ZFYVE9: variants seen among roughly 807,000 people sequenced by gnomAD.
ZFYVE9 encodes zinc finger FYVE-type containing 9, also known as zinc finger FYVE domain-containing protein 9.
Under a neutral mutation model 126.7 loss-of-function variants are expected in ZFYVE9, and 43 were observed. The ratio of observed to expected loss-of-function variants is 0.34; its 90% confidence interval spans 0.27 to 0.44. ZFYVE9 has a LOEUF of 0.44. Ranked by LOEUF, ZFYVE9 falls within the 20% of genes least tolerant of loss-of-function variation. The pLI is 1.00. For missense variants in ZFYVE9, 1,476 were observed against 1,697.0 expected, an observed-to-expected ratio of 0.87 and a Z score of 2.29; for synonymous variants, 521 against 597.4, an observed-to-expected ratio of 0.87 and a Z score of 1.87.
intron 7 of ZFYVE9, among the ~76,000 whole-genome samples, chr1:52,271,240 A>T (rs1645689070): frequency 6.6e-6 from 1 of 152,204 alleles, no homozygotes; most frequent in South Asian, 2.1e-4. Flanking sequence ...TGCTCATTAT[A>T]AGACAGGCTA....
intron 4 of ZFYVE9, among the ~76,000 whole-genome samples, chr1:52,250,308 G>C (rs551605712): frequency 2.4e-4 from 36 of 152,124 alleles, no homozygotes; most frequent in South Asian, 4.2e-4. Flanking sequence ...GTCTTTTGTA[G>C]TTTTCACTGT....
At chr1:52,279,833 G>T (rs1645784609) in intron 9 of ZFYVE9, among the ~76,000 whole-genome samples, 2 of 152,036 alleles carry the variant, frequency 1.3e-5, no homozygotes, top group Non-Finnish European at 2.9e-5. Context: ...CAATTTTAAA[G>T]GACAGAACCT....
At chr1:52,185,614 T>C (rs1644757540) in intron 1 of ZFYVE9, among the ~76,000 whole-genome samples, 1 of 152,048 alleles carries the variant, frequency 6.6e-6, no homozygotes, top group Admixed American at 6.6e-5. Flanking sequence ...AAAAATAAAA[T>C]TGGTTAGATG....
At chr1:52,147,655 A>G (rs1043351890) in intron 1 of ZFYVE9, among the ~76,000 whole-genome samples, 2 of 152,220 alleles carry the variant, frequency 1.3e-5, no homozygotes, top group African/African-American at 4.8e-5. Context: ...GGCTACTATA[A>G]ATAATGTTGT....
intron 10 of ZFYVE9, among the ~76,000 whole-genome samples, chr1:52,286,455 T>C (rs1468516910): frequency 6.6e-6 from 1 of 152,220 alleles, no homozygotes; most frequent in Non-Finnish European, 1.5e-5. Flanking sequence ...ACACACACTT[T>C]TTTGTCATAC....
At chr1:52,226,493 G>A (rs1645171728) in intron 2 of ZFYVE9, among the ~76,000 whole-genome samples, 1 of 152,132 alleles carries the variant, frequency 6.6e-6, no homozygotes, top group Non-Finnish European at 1.5e-5. Context: ...CCGAGATCAT[G>A]CCACTGCACT....
At chr1:52,298,692 T>C (rs1456198992) in intron 12 of ZFYVE9, among the ~76,000 whole-genome samples, 1 of 152,114 alleles carries the variant, frequency 6.6e-6, no homozygotes, top group African/African-American at 2.4e-5. Context: ...AAGAATATCA[T>C]TGGCATTTTG....
chr1:52,238,820 C>T lies in ZFYVE9; in HGVS notation c.1403C>T (p.Thr468Ile), dbSNP rs770244344. The change falls in exon 4 of 19, where the codon ACA becomes ATA. Residue 468 changes from threonine to isoleucine, a missense_variant. Thr to Ile is a moderately conservative substitution (Grantham distance 89, BLOSUM62 -1). Coordinates refer to ENST00000287727, the MANE Select transcript of ZFYVE9 (RefSeq NM_004799.4). Reference sequence around the variant, plus strand: ...TGTGATTTCTCCACTGTTATAGACACACCAGCAGCAAATTATCTATCTAAT... The same window carrying T: ...TGTGATTTCTCCACTGTTATAGACATACCAGCAGCAAATTATCTATCTAAT... ...EECDFSTVID[T>I]PAANYLSNGC... is the part of the protein sequence containing the mutation. 3.7e-6 allele frequency: 6 copies of T among 1,614,094 alleles called. No homozygotes were observed. The East Asian group carries it at 6.7e-5, about 18-fold the overall frequency.
At chr1:52,176,504 C>T (rs1443064874) in intron 1 of ZFYVE9, among the ~76,000 whole-genome samples, 2 of 152,196 alleles carry the variant, frequency 1.3e-5, no homozygotes, top group Non-Finnish European at 2.9e-5. Flanking sequence ...GCTGGGAGAA[C>T]CACTGCTCTC....
At chr1:52,193,794 A>G (rs981398375) in intron 1 of ZFYVE9, among the ~76,000 whole-genome samples, 1 of 151,668 alleles carries the variant, frequency 6.6e-6, no homozygotes. Flanking sequence ...CTTCAAACAC[A>G]CACGCACGCG....
At chr1:52,340,904 C>CAAAAAA (rs10608842) in intron 17 of ZFYVE9, among the ~76,000 whole-genome samples, 4 of 100,678 alleles carry the variant, frequency 4.0e-5, no homozygotes, top group Non-Finnish European at 8.1e-5. Context: ...GACTCCGTCT[C>CAAAAAA]AAAAAAAAAA....
intron 4 of ZFYVE9, among the ~76,000 whole-genome samples, chr1:52,261,431 AC>A (rs1645579213): frequency 6.6e-6 from 1 of 151,564 alleles, no homozygotes; most frequent in African/African-American, 2.4e-5. Context: ...TTAGGTTATA[AC>A]CTGAAACCCT....
At chr1:52,222,787 C>T (rs1304311702) in intron 2 of ZFYVE9, among the ~76,000 whole-genome samples, 3 of 152,172 alleles carry the variant, frequency 2.0e-5, no homozygotes, top group Non-Finnish European at 2.9e-5. Context: ...GGCTTTCTTC[C>T]GAAGTGGTGA....
rs756307307 is a variant in ZFYVE9, at chr1:52,233,193, G to T, written c.-14G>T. On this transcript the variant is annotated 5_prime_UTR_variant, in exon 3 of 19. Transcript: ENST00000287727. ...TAGGTTTAAACAAGTCTCTTAAGTG[G>T]TGTTTCCTCACCGATGGAGAATTAC... The T allele has an allele frequency of 6.4e-7, 1 of 1,559,048 alleles. No homozygotes were observed. Among genetic ancestry groups the T allele is most frequent in the Admixed American group, 1.8e-5 (1 of 56,464 alleles).
intron 1 of ZFYVE9, among the ~76,000 whole-genome samples, chr1:52,186,145 C>A (rs1474124627): frequency 1.3e-5 from 2 of 150,292 alleles, no homozygotes; most frequent in Non-Finnish European, 3.0e-5. Flanking sequence ...GAGCCTGAGG[C>A]AGGAGAATTG....
chr1:52,263,028 A>C (rs114175788), intron 4 of ZFYVE9, among the ~76,000 whole-genome samples: 2,983 of 151,192 alleles, frequency 0.02, 86 homozygotes, highest in African/African-American at 0.067. Context: ...GCAGTGAACC[A>C]AGATCGCACC....
chr1:52,253,131 G>C (rs1645468709), intron 4 of ZFYVE9, among the ~76,000 whole-genome samples: 2 of 152,158 alleles, frequency 1.3e-5, no homozygotes, highest in African/African-American at 2.4e-5. Context: ...TCCAGCCTGG[G>C]TGACAGAGTG....
At chr1:52,311,790 T>G (rs1391339389) in intron 13 of ZFYVE9, among the ~76,000 whole-genome samples, 4 of 152,064 alleles carry the variant, frequency 2.6e-5, no homozygotes, top group African/African-American at 9.7e-5. Context: ...TTTTTATTTT[T>G]ATTTATTTAT....
At chr1:52,294,998 A>G (rs1645959085) in intron 11 of ZFYVE9, among the ~76,000 whole-genome samples, 1 of 152,164 alleles carries the variant, frequency 6.6e-6, no homozygotes, top group South Asian at 2.1e-4. Context: ...TTTGAGGTCA[A>G]GAGTTCAAGA....
Sources: allele counts gnomAD v4.1 joint callset (sites outside exome capture counted in the v4.1 genomes callset), GRCh38; gene constraint gnomAD v4.1.1; transcripts MANE v1.5; gene names NCBI Gene and HGNC (gene_info 2026-07-23, HGNC 2026-07-21).